Variants in MBP observed in about 807,000 individuals in gnomAD.
MBP encodes myelin basic protein.
In MBP, 16 loss-of-function variants were observed where a neutral mutation model predicts 35.8. The observed-to-expected ratio is 0.45, with a 90% confidence interval of 0.30 to 0.68. The LOEUF is 0.68. Among genes scored for constraint, MBP ranks in the 30% least tolerant of loss-of-function variants. The pLI, the probability that MBP is intolerant of heterozygous loss-of-function variation, is 0.08. For missense variants in MBP, 380 were observed against 404.7 expected (o/e 0.94, Z 0.52); for synonymous variants, 143 against 159.6 (o/e 0.90, Z 0.78).
intron 1 of MBP, among the ~76,000 whole-genome samples, chr18:77,122,832 C>T (rs972028358): frequency 2.6e-5 from 4 of 152,324 alleles, no homozygotes; most frequent in South Asian, 2.1e-4. Flanking sequence ...CATGAGCCAC[C>T]GCGCCCGGCT....
intron 1 of MBP, among the ~76,000 whole-genome samples, chr18:77,129,924 C>A (rs1413571888): frequency 2.6e-5 from 4 of 151,636 alleles, no homozygotes; most frequent in African/African-American, 9.7e-5. Flanking sequence ...TGGTGCGCCC[C>A]TATAGTCCCA....
rs11422817 is a variant in MBP at position 77,060,468 on chromosome 18, T to TTTTTTTTTTA, written c.139+5829_139+5830insTAAAAAAAAA. On this transcript the variant is annotated intron_variant, in intron 3 of 8. Coordinates refer to ENST00000355994, the MANE Select transcript of MBP (RefSeq NM_001025101.2). The stretch of plus-strand genomic sequence containing the variant: ...CTCTCCTTTTTTTTTTTTTTTTTTT[T>TTTTTTTTTTA]ATGAGGCGGAGTTTTGCTCTTGTTG... 1.5e-3 allele frequency among the ~76,000 whole-genome samples: 206 copies of TTTTTTTTTTA among 133,010 alleles called. 14 individuals are homozygous for TTTTTTTTTTA. The highest frequency in any genetic ancestry group is 6.3e-3 in the African/African-American group (183 of 29,074). 87.3% of individuals were successfully genotyped at this position (133,010 alleles called of 152,430 possible).
chr18:77,049,162 G>T (rs984989851), intron 3 of MBP, among the ~76,000 whole-genome samples: 1 of 150,352 alleles, frequency 6.7e-6, no homozygotes, highest in African/African-American at 2.4e-5. Context: ...CTCGTGATCC[G>T]CCCACCTCGG....
intron 3 of MBP, among the ~76,000 whole-genome samples, chr18:77,046,428 A>G (rs1044179009): frequency 2.0e-5 from 3 of 152,270 alleles, no homozygotes; most frequent in Non-Finnish European, 2.9e-5. Context: ...GGCATGGTTC[A>G]TCCACGGCAT....
intron 2 of MBP, chr18:77,066,689 CA>C (rs1974213167): frequency 1.7e-6 from 1 of 587,626 alleles, no homozygotes; most frequent in Non-Finnish European, 3.3e-6. Flanking sequence ...CCATTTATTC[CA>C]AGGGTGAGCC....
At chr18:77,001,136 C>A (rs1248171737) in intron 4 of MBP, among the ~76,000 whole-genome samples, 13 of 152,002 alleles carry the variant, frequency 8.6e-5, no homozygotes, top group East Asian at 3.9e-4. Context: ...CCCCACTCAC[C>A]TGGTCCCCGC....
At chr18:77,002,554 G>A (rs187154147) in intron 4 of MBP, among the ~76,000 whole-genome samples, 1 of 142,568 alleles carries the variant, frequency 7.0e-6, no homozygotes, top group Admixed American at 7.0e-5. Flanking sequence ...AGAAAGCAAG[G>A]CGTCTTGGTT....
chr18:77,086,574 A>G (rs527796609), intron 2 of MBP, among the ~76,000 whole-genome samples: 1 of 152,352 alleles, frequency 6.6e-6, no homozygotes, highest in Non-Finnish European at 1.5e-5. Context: ...TCACACAACT[A>G]ATCTATCCAG....
At chr18:77,014,491 G>T in intron 4 of MBP, 1 of 985,474 alleles carries the variant, frequency 1.0e-6, no homozygotes, top group Non-Finnish European at 1.2e-6. Context: ...CTGCTCGTTT[G>T]CACACCTCTT....
At chr18:76,993,569 C>T in intron 4 of MBP, among the ~76,000 whole-genome samples, 1 of 135,558 alleles carries the variant, frequency 7.4e-6, no homozygotes. Flanking sequence ...AAAAAAAAAA[C>T]AAAAGATCCC....
intron 1 of MBP, chr18:77,108,715 C>A (rs1490853571): frequency 6.6e-6 from 1 of 152,264 alleles, no homozygotes; most frequent in Non-Finnish European, 1.5e-5. Flanking sequence ...ACACCTAAAG[C>A]AGCTTAGACT....
chr18:77,041,606 T>G (rs1972998228), intron 3 of MBP, among the ~76,000 whole-genome samples: 1 of 151,908 alleles, frequency 6.6e-6, no homozygotes, highest in Non-Finnish European at 1.5e-5. Context: ...CCATAAAAAA[T>G]GATGAGTTCA....
chr18:76,979,498 T>C lies in MBP; in HGVS notation c.*929A>G, dbSNP rs563792742. 103 of 164,888 alleles carry C rather than the reference T, an allele frequency of 6.2e-4. No homozygotes were observed. The highest frequency in any genetic ancestry group is 2.4e-3 in the African/African-American group (100 of 41,736). The allele number at this position is 164,888 out of a possible 1,614,324, so 10.2% of individuals were successfully genotyped here. A position where few individuals can be genotyped will look rare whatever the true frequency, so the allele number is the denominator to read the frequency against. ...GTCACAGCCAGTGTCTATGGGCGAC[T>C]GGCGCGGCTGCGAGGCTGTCTAGAG... On this transcript the variant is annotated 3_prime_UTR_variant, in exon 9 of 9. Transcript: ENST00000355994.
At position 77,101,117 on chromosome 18, in the gene MBP, A is replaced by G. The variant is rs1975990308; in HGVS notation, c.51+4094T>C. ...AGTGAAGCCAAGTGTCTTACGTCCT[A>G]AGGACCAAGGACTGCCAGGCAGGCA... On this transcript the variant is annotated intron_variant, in intron 2 of 8. Coordinates refer to ENST00000355994, the MANE Select transcript of MBP (RefSeq NM_001025101.2). This position sits in a 1 kb window ranked among gnomAD's most constrained non-coding sequence, Gnocchi z 4.3. Among the ~76,000 whole-genome samples the G allele has an allele frequency of 6.6e-6, 1 of 152,196 alleles. No homozygotes were observed. The highest frequency in any genetic ancestry group is 2.4e-5 in the African/African-American group (1 of 41,440).
At position 76,988,932 on chromosome 18, in the gene MBP, C is replaced by T. The variant is rs747442374; in HGVS notation, c.682-20G>A. The T allele has an allele frequency of 4.3e-6, 7 of 1,613,754 alleles. No individual in the cohort carries two copies. Among genetic ancestry groups the T allele is most frequent in the Admixed American group, 1.7e-5 (1 of 60,024 alleles). The stretch of plus-strand genomic sequence containing the variant: ...CGTCACCTGGAAAGACACAGAGAAC[C>T]GTGGGCTGCACTGGGAGCCCTGTGC... On this transcript the variant is annotated intron_variant, in intron 5 of 8. Transcript: ENST00000355994. This position sits in a 1 kb window ranked among gnomAD's most constrained non-coding sequence, Gnocchi z 5.2.
At chr18:77,112,013 T>C (rs1357086732) in intron 1 of MBP, among the ~76,000 whole-genome samples, 2 of 152,156 alleles carry the variant, frequency 1.3e-5, no homozygotes, top group Admixed American at 1.3e-4. Flanking sequence ...TTCCTCTTCC[T>C]CTTATTCTAC....
At chr18:77,093,249 C>G (rs559034220) in intron 2 of MBP, 1 of 152,366 alleles carries the variant, frequency 6.6e-6, no homozygotes, top group Non-Finnish European at 1.5e-5. Flanking sequence ...ATACGGCGGT[C>G]CCAGGGGCCA....
chr18:77,102,615 T>TCA lies in MBP; in HGVS notation c.51+2594_51+2595dup, dbSNP rs1196701594. On this transcript the variant is annotated intron_variant, in intron 2 of 8. Transcript: ENST00000355994. This position sits in a 1 kb window ranked among gnomAD's most constrained non-coding sequence, Gnocchi z 4.4. ...CATGAGATTTCAGAAAACAAAAGCC[T>TCA]CAGCATGGGCTTTGCTATGGCTCAA... is the stretch of plus-strand genomic sequence containing the variant. 2.0e-5 allele frequency among the ~76,000 whole-genome samples: 3 copies of TCA among 152,232 alleles called. No homozygotes were observed. Among genetic ancestry groups the TCA allele is most frequent in the Non-Finnish European group, 2.9e-5 (2 of 68,032 alleles).
rs1341515968 is a variant in MBP at position 77,101,122 on chromosome 18, CCAAGGACTGCCAGGCAGG to C, written c.51+4071_51+4088del. 6.6e-6 allele frequency among the ~76,000 whole-genome samples: 1 copy of C among 152,216 alleles called. No homozygotes were observed. The highest frequency in any genetic ancestry group is 1.5e-5 in the Non-Finnish European group (1 of 68,030). ...AGCCAAGTGTCTTACGTCCTAAGGA[CCAAGGACTGCCAGGCAGG>C]CAAAGACTGCCTAAGACAGGGCATC... On this transcript the variant is annotated intron_variant, in intron 2 of 8. Transcript: ENST00000355994. The surrounding 1 kb of genome is among the most constrained non-coding windows in gnomAD (Gnocchi z 4.3).
Sources: gnomAD v4.1 joint callset for allele counts (sites outside exome capture counted in the v4.1 genomes callset) on GRCh38, gnomAD v4.1.1 for gene constraint, Gnocchi (gnomAD v3.1) non-coding constraint, MANE v1.5 for transcripts, NCBI Gene and HGNC (gene_info 2026-07-23, HGNC 2026-07-21) for gene names.